LRRIQ1: variants seen among roughly 807,000 people sequenced by gnomAD.
LRRIQ1 encodes leucine rich repeats and IQ motif containing 1.
A neutral mutation model predicts 211.9 loss-of-function variants in LRRIQ1; 210 were observed. That is an observed-to-expected ratio of 0.99 (90% confidence interval 0.89 to 1.11). LRRIQ1 has a LOEUF of 1.11. Among genes scored for constraint, LRRIQ1 ranks in the 50% most tolerant of loss-of-function variants. The pLI is 0.00. For synonymous variants in LRRIQ1, 699 were observed against 650.1 expected, an observed-to-expected ratio of 1.08 and a Z score of -1.14; for missense variants, 2,136 against 1,939.5, an observed-to-expected ratio of 1.10 and a Z score of -1.90.
intron 26 of LRRIQ1, among the ~76,000 whole-genome samples, chr12:85,238,433 A>G (rs551425422): frequency 3.9e-5 from 6 of 152,256 alleles, no homozygotes; most frequent in African/African-American, 1.4e-4. Context: ...TATGCACCTC[A>G]TAATCAAATT....
intron 26 of LRRIQ1, among the ~76,000 whole-genome samples, chr12:85,242,498 A>T (rs1895510787): frequency 6.6e-6 from 1 of 151,922 alleles, no homozygotes; most frequent in Non-Finnish European, 1.5e-5. Context: ...AAGGGACATG[A>T]GCATCCATGG....
At chr12:85,143,339 A>G (rs971225652) in intron 19 of LRRIQ1, among the ~76,000 whole-genome samples, 2 of 151,524 alleles carry the variant, frequency 1.3e-5, no homozygotes, top group African/African-American at 4.8e-5. Flanking sequence ...TGAGTTCCTT[A>G]TATATTTTGG....
At chr12:85,096,566 C>G (rs912390279) in intron 11 of LRRIQ1, among the ~76,000 whole-genome samples, 2 of 152,012 alleles carry the variant, frequency 1.3e-5, no homozygotes, top group African/African-American at 4.8e-5. Flanking sequence ...TTCAGACATG[C>G]TTTGGGCTGA....
At chr12:85,213,891 T>C (rs1269584499) in intron 24 of LRRIQ1, among the ~76,000 whole-genome samples, 1 of 151,958 alleles carries the variant, frequency 6.6e-6, no homozygotes, top group Non-Finnish European at 1.5e-5. Context: ...CCTGGCAAGT[T>C]TGATCCTGAA....
At chr12:85,193,739 C>T (rs1477967515) in intron 24 of LRRIQ1, among the ~76,000 whole-genome samples, 3 of 151,650 alleles carry the variant, frequency 2.0e-5, no homozygotes, top group East Asian at 2.0e-4. Flanking sequence ...TAAAGACCAT[C>T]GAGACTAGGA....
rs1479965011 is a variant in LRRIQ1, at chr12:85,086,959, T to G, written c.2888-11396T>G. ...TCATTATTATTATTATTATTATTAT[T>G]ATACTTTAAGTTCTAGGGTACATGT... is the stretch of plus-strand genomic sequence containing the variant. On this transcript the variant is annotated intron_variant, in intron 11 of 26. Coordinates refer to ENST00000393217, the MANE Select transcript of LRRIQ1 (RefSeq NM_001079910.2). Among the ~76,000 whole-genome samples, 3 of 150,520 alleles carry G rather than the reference T, an allele frequency of 2.0e-5. No individual in the cohort carries two copies. The East Asian group carries it at 5.8e-4, about 29-fold the overall frequency.
At chr12:85,262,127 T>C (rs1896318468) in intron 1 of LRRIQ1, among the ~76,000 whole-genome samples, 1 of 152,008 alleles carries the variant, frequency 6.6e-6, no homozygotes, top group Non-Finnish European at 1.5e-5. Flanking sequence ...CATCCTGGGG[T>C]CTTACTGAGT....
At chr12:85,155,132 T>C (rs1484503634) in intron 23 of LRRIQ1, among the ~76,000 whole-genome samples, 2 of 151,536 alleles carry the variant, frequency 1.3e-5, no homozygotes, top group Non-Finnish European at 3.0e-5. Flanking sequence ...GGTGATTCAT[T>C]TTTATATTCT....
At position 85,124,252 on chromosome 12, in the gene LRRIQ1, G is replaced by A. The variant is rs776398930; in HGVS notation, c.3740G>A (p.Gly1247Glu). The stretch of plus-strand genomic sequence containing the variant: ...AACAGTGACAGCACTCTGCAAAATG[G>A]AGTCTTCTACTCTTGTGCACGTGAA... ...PTNSDSTLQN[G>E]VFYSCAREGE... Residue 1247 changes from glycine to glutamate, a missense_variant, in exon 17 of 27, where the codon GGA (glycine) becomes GAA (glutamate). Transcript: ENST00000393217. 2 of 1,614,018 alleles carry A rather than the reference G, an allele frequency of 1.2e-6. No homozygotes were observed. Among genetic ancestry groups the A allele is most frequent in the Non-Finnish European group, 1.7e-6 (2 of 1,180,002 alleles).
intron 11 of LRRIQ1, among the ~76,000 whole-genome samples, chr12:85,094,490 A>G (rs1242005438): frequency 1.3e-5 from 2 of 152,072 alleles, no homozygotes; most frequent in South Asian, 2.1e-4. Flanking sequence ...TTTTGTACCA[A>G]TACCATGCTA....
At chr12:85,097,014 G>A (rs181119820) in intron 11 of LRRIQ1, among the ~76,000 whole-genome samples, 1 of 152,224 alleles carries the variant, frequency 6.6e-6, no homozygotes, top group Non-Finnish European at 1.5e-5. Context: ...CATGATAGAC[G>A]TTTCATGAAC....
chr12:85,223,412 T>C (rs1017938794), intron 24 of LRRIQ1, among the ~76,000 whole-genome samples: 2 of 152,196 alleles, frequency 1.3e-5, no homozygotes, highest in Admixed American at 1.3e-4. Context: ...GGAAGTGGTC[T>C]GGAATCCAGC....
chr12:85,158,218 T>G (rs537787369), intron 23 of LRRIQ1, among the ~76,000 whole-genome samples: 197 of 151,766 alleles, frequency 1.3e-3, no homozygotes, highest in African/African-American at 4.5e-3. Flanking sequence ...CTGGTAGATA[T>G]CCAATGAATG....
At position 85,244,857 on chromosome 12, in the gene LRRIQ1, T is replaced by C. The variant is rs2137276799; in HGVS notation, c.5085T>C (p.Ser1695=). 4 of 1,603,952 alleles carry C rather than the reference T, an allele frequency of 2.5e-6. No homozygotes were observed. Among genetic ancestry groups the C allele is most frequent in the South Asian group, 2.2e-5 (2 of 90,682 alleles). The part of the protein sequence containing the change: ...LFSMTNGSAL[S]VNREKKNQAH... Reference sequence around the variant, plus strand: ...CCATGACCAATGGAAGTGCTTTGTCTGTGAACAGAGAAAAAAAAAATCAGG... The same window carrying C: ...CCATGACCAATGGAAGTGCTTTGTCCGTGAACAGAGAAAAAAAAAATCAGG... The change falls in exon 27 of 27, where the codon TCT becomes TCC. Residue 1695 remains serine (S), a synonymous_variant. Transcript: ENST00000393217.
intron 6 of LRRIQ1, among the ~76,000 whole-genome samples, chr12:85,050,230 A>G (rs908831419): frequency 1.3e-5 from 2 of 151,394 alleles, no homozygotes; most frequent in Admixed American, 1.3e-4. Flanking sequence ...TTGGGTAGGA[A>G]CTAACATCAT....
intron 24 of LRRIQ1, among the ~76,000 whole-genome samples, chr12:85,172,178 C>T (rs1418021219): frequency 6.6e-6 from 1 of 152,152 alleles, no homozygotes; most frequent in Non-Finnish European, 1.5e-5. Flanking sequence ...AGAATAGTAA[C>T]TTTGGTGAAG....
chr12:85,146,252 C>G (rs569023787), intron 19 of LRRIQ1, among the ~76,000 whole-genome samples: 23 of 151,654 alleles, frequency 1.5e-4, no homozygotes, highest in Non-Finnish European at 2.1e-4. Context: ...TGACTTAACA[C>G]TTAAAAGTAT....
At chr12:85,054,716 T>C (rs1880773425) in intron 7 of LRRIQ1, among the ~76,000 whole-genome samples, 1 of 152,052 alleles carries the variant, frequency 6.6e-6, no homozygotes, top group Non-Finnish European at 1.5e-5. Flanking sequence ...AAGTGAGTCG[T>C]TTTTATTTGA....
In LRRIQ1 at chr12:85,056,985, A is replaced by G; in HGVS notation, c.2192A>G (p.Glu731Gly). 3 of 1,609,404 alleles carry G rather than the reference A, an allele frequency of 1.9e-6. No individual in the cohort carries two copies. The highest frequency in any genetic ancestry group is 2.5e-6 in the Non-Finnish European group (3 of 1,178,340). The change falls in exon 8 of 27, where the codon GAG (glutamate) becomes GGG (glycine). Residue 731 changes from glutamate to glycine, a missense_variant. Glu to Gly is a moderately conservative substitution (Grantham distance 98, BLOSUM62 -2). Transcript: ENST00000393217. The stretch of plus-strand genomic sequence containing the variant: ...GATAGCATGACCTGCTGTGTATCAG[A>G]GTCAACCCTTCTATATTCTATTGAA... ...EPDSMTCCVS[E>G]STLLYSIEER...
Sources: allele counts gnomAD v4.1 joint callset (sites outside exome capture counted in the v4.1 genomes callset), GRCh38; gene constraint gnomAD v4.1.1; transcripts MANE v1.5; gene names NCBI Gene and HGNC (gene_info 2026-07-23, HGNC 2026-07-21).